Variants in ZNF160 observed in about 807,000 individuals in gnomAD.
The protein encoded by ZNF160 is KRAB zinc finger protein KR18.
A neutral mutation model predicts 13.1 loss-of-function variants in ZNF160; 9 were observed. The ratio of observed to expected loss-of-function variants is 0.69; its 90% CI spans 0.41 to 1.20. The LOEUF (loss-of-function observed/expected upper bound fraction) is 1.20, where lower values mean the gene tolerates loss of function less well. Ranked by LOEUF, ZNF160 falls within the 50% of genes most tolerant of loss-of-function variation. The probability of loss-of-function intolerance (pLI) is 0.01; values close to 1 mark genes in which losing one functional copy is unlikely to be tolerated. For synonymous variants in ZNF160, 293 were observed against 333.2 expected, an observed-to-expected ratio of 0.88 and a Z score of 1.31; for missense variants, 838 against 988.0, an observed-to-expected ratio of 0.85 and a Z score of 2.04.
At chr19:53,086,385 C>T in intron 2 of ZNF160, 64 bp from the exon 3 acceptor site, 1 of 1,423,976 alleles carries the variant, frequency 7.0e-7, no homozygotes, top group Non-Finnish European at 9.4e-7. Flanking sequence ...CTGCTTAGGG[C>T]TGAGAATCTA....
chr19:53,086,151 G>A, intron 3 of ZNF160, 111 bp downstream of exon 3: 1 of 1,362,682 alleles, frequency 7.3e-7, no homozygotes, highest in South Asian at 1.2e-5. Flanking sequence ...GCGGGTGAGT[G>A]CTAGCAAACA....
At chr19:53,085,925 A>G (rs2084812701) in intron 3 of ZNF160, 1 of 984,164 alleles carries the variant, frequency 1.0e-6, no homozygotes, top group Non-Finnish European at 1.5e-6. Context: ...TTCTGTTATC[A>G]TGGTTTACAC....
At chr19:53,093,471 G>T (rs1445024273) in intron 1 of ZNF160, 6 of 152,014 alleles carry the variant, frequency 3.9e-5, no homozygotes, top group Admixed American at 3.9e-4. Flanking sequence ...AGGATGGAAG[G>T]GGGAGGCTTA....
chr19:53,073,427 G>A (rs2084257327), intron 5 of ZNF160: 1 of 1,598,438 alleles, frequency 6.3e-7, no homozygotes. Context: ...TCGACAGGCG[G>A]AGACGGCTGG....
chr19:53,075,209 A>C, intron 3 of ZNF160, 26 bp from the exon 4 acceptor site: 5 of 1,612,262 alleles, frequency 3.1e-6, no homozygotes, highest in Non-Finnish European at 4.2e-6. Context: ...CATTTCACCA[A>C]GTGGCTAAGG....
intron 2 of ZNF160, among the ~76,000 whole-genome samples, chr19:53,089,011 T>C (rs2084942679): frequency 6.6e-6 from 1 of 152,262 alleles, no homozygotes; most frequent in Non-Finnish European, 1.5e-5. Flanking sequence ...TGGCTGTTCA[T>C]CTGTGTCCTT....
At chr19:53,096,127 G>A (rs2085224435) in intron 1 of ZNF160, among the ~76,000 whole-genome samples, 2 of 152,220 alleles carry the variant, frequency 1.3e-5, no homozygotes, top group Admixed American at 6.5e-5. Flanking sequence ...GGTGAGGCAG[G>A]AGAATTGCTT....
At chr19:53,077,635 C>T (rs1169537789) in intron 3 of ZNF160, among the ~76,000 whole-genome samples, 1 of 143,826 alleles carries the variant, frequency 7.0e-6, no homozygotes, top group Non-Finnish European at 1.5e-5. Flanking sequence ...CACCACTGCA[C>T]TCCAGCCTGG....
Position 53,085,118 on chromosome 19 carries a change from CCT to C in ZNF160, c.15+1142_15+1143del, listed in dbSNP as rs1427810461. The C allele has an allele frequency of 8.3e-6, 8 of 962,310 alleles. No homozygotes were observed. The East Asian group carries it at 8.0e-4, about 97-fold the overall frequency. 59.6% of individuals were successfully genotyped at this position (962,310 alleles called of 1,614,324 possible). A position where few individuals can be genotyped will look rare whatever the true frequency, so the allele number is the denominator to read the frequency against. ...ACAGGTGTGAGCCACCATGCAGCACCCTGTGTGGCATTCTTTATAGAAGTGAG... is the reference window on the plus strand; with the variant it reads ...ACAGGTGTGAGCCACCATGCAGCACCGTGTGGCATTCTTTATAGAAGTGAG... On this transcript the variant is annotated intron_variant, in intron 3 of 5. Coordinates refer to ENST00000683776, the MANE Select transcript of ZNF160 (RefSeq NM_001322131.2).
chr19:53,092,398 C>T (rs2085069641), intron 1 of ZNF160, among the ~76,000 whole-genome samples: 1 of 152,094 alleles, frequency 6.6e-6, no homozygotes, highest in Non-Finnish European at 1.5e-5. Flanking sequence ...GCAACCTCTG[C>T]CTCCTGGGTT....
Position 53,086,263 on chromosome 19 carries a change from T to G in ZNF160, c.14A>C (p.Gln5Pro). Reference sequence around the variant, plus strand: ...AATCCACCAGGAGTATCACTTTACCTGAGTAAGGGCCATCCCTGACTCCTT... The same window carrying G: ...AATCCACCAGGAGTATCACTTTACCGGAGTAAGGGCCATCCCTGACTCCTT... MALTQVRLTFRDVAI... is the reference protein window; with the variant it reads MALTPVRLTFRDVAI... The change falls in exon 3 of 6, where the codon CAG becomes CCG. Residue 5 changes from glutamine to proline, a missense_variant and splice_region_variant. Transcript: ENST00000683776. 10 of 1,589,198 alleles carry G rather than the reference T, an allele frequency of 6.3e-6. No homozygotes were observed. Among genetic ancestry groups the G allele is most frequent in the Non-Finnish European group, 8.6e-6 (10 of 1,168,520 alleles).
intron 3 of ZNF160, among the ~76,000 whole-genome samples, chr19:53,080,029 AC>A (rs1174622896): frequency 6.6e-6 from 1 of 152,060 alleles, no homozygotes; most frequent in Non-Finnish European, 1.5e-5. Context: ...TAAAGATTCC[AC>A]TAAAAGACTC....
chr19:53,086,172 G>C lies in ZNF160; in HGVS notation c.15+90C>G, dbSNP rs1402627411. Reference sequence around the variant, plus strand: ...GAGTGCTAGCAAACATGTCAGGCAGGACGCTTCAGACTCAGAGAAGATTCG... The same window carrying C: ...GAGTGCTAGCAAACATGTCAGGCAGCACGCTTCAGACTCAGAGAAGATTCG... On this transcript the variant is annotated intron_variant, in intron 3 of 5. Transcript: ENST00000683776. 7.0e-6 allele frequency: 10 copies of C among 1,431,486 alleles called. No homozygotes were observed. The East Asian group carries it at 2.3e-4, about 33-fold the overall frequency. 88.7% of individuals were successfully genotyped at this position (1,431,486 alleles called of 1,614,324 possible). A position where few individuals can be genotyped will look rare whatever the true frequency, so the allele number is the denominator to read the frequency against.
intron 5 of ZNF160, among the ~76,000 whole-genome samples, chr19:53,071,935 G>A (rs930529128): frequency 6.6e-6 from 1 of 151,906 alleles, no homozygotes. Flanking sequence ...ATTAAGAAGC[G>A]GGAATTTTGA....
At chr19:53,070,309 G>T in intron 5 of ZNF160, 47 bp from the exon 6 acceptor site, 1 of 1,451,252 alleles carries the variant, frequency 6.9e-7, no homozygotes. Context: ...TTACAGTATA[G>T]AAATAAATAT....
intron 3 of ZNF160, among the ~76,000 whole-genome samples, chr19:53,082,746 A>G (rs1013123046): frequency 6.6e-5 from 10 of 152,242 alleles, no homozygotes; most frequent in Admixed American, 5.2e-4. Flanking sequence ...TCAATTGTGC[A>G]GCAGACACCG....
Position 53,069,960 on chromosome 19 carries a change from G to A in ZNF160, c.574C>T (p.Leu192=), listed in dbSNP as rs755917616. ...TTCCCCTCACCTTGAAATAGCTGCA[G>A]TTCAGGCAGATGAGAATGAAAGCTT... ...GVSFHSHLPE[L]QLFQGEGKMY... Residue 192 remains leucine (L), a synonymous_variant, in exon 6 of 6, where the codon CTG becomes TTG. Transcript: ENST00000683776. The surrounding 1 kb of genome is among the most constrained non-coding windows in gnomAD (Gnocchi z 4.4). The A allele has an allele frequency of 6.2e-7, 1 of 1,614,096 alleles. No individual in the cohort carries two copies. The highest frequency in any genetic ancestry group is 1.7e-5 in the Admixed American group (1 of 60,010).
rs1170253795 is a variant in ZNF160 at position 53,074,189 on chromosome 19, T to G, written c.222A>C (p.Lys74Asn). 6.2e-7 allele frequency: 1 copy of G among 1,613,762 alleles called. No individual in the cohort carries two copies. Among genetic ancestry groups the G allele is most frequent in the Admixed American group, 1.7e-5 (1 of 59,964 alleles). ...CCGGCGTTCTTGGTTTTCTTGCTATTTTCACACAGCTCTTCACAGTCCAGG... is the reference window on the plus strand; with the variant it reads ...CCGGCGTTCTTGGTTTTCTTGCTATGTTCACACAGCTCTTCACAGTCCAGG... Reference protein sequence around the residue: ...KEPWTVKSCVKIARKPRTPEC... With the variant: ...KEPWTVKSCVNIARKPRTPEC... Residue 74 changes from lysine (K) to asparagine (N), a missense_variant, in exon 5 of 6, where the codon AAA (lysine) becomes AAC (asparagine). By Grantham distance (94) the Lys-to-Asn change is moderately conservative. Around this residue, in one of 3 missense-constraint regions of ZNF160, gnomAD observed 387 missense variants for 402.3 expected, o/e 0.96. Transcript: ENST00000683776.
chr19:53,096,037 TA>T (rs2085221564), intron 1 of ZNF160, among the ~76,000 whole-genome samples: 1 of 152,042 alleles, frequency 6.6e-6, no homozygotes, highest in Non-Finnish European at 1.5e-5. Context: ...ACCAACATGG[TA>T]AAACCCTGTC....
Sources: allele counts gnomAD v4.1 joint callset (sites outside exome capture counted in the v4.1 genomes callset), GRCh38; gene constraint gnomAD v4.1.1; regional missense constraint gnomAD v4.1.1; non-coding constraint Gnocchi (gnomAD v3.1); transcripts MANE v1.5; gene names NCBI Gene and HGNC (gene_info 2026-07-23, HGNC 2026-07-21).